Variants in DYNC2H1 observed in about 807,000 individuals in gnomAD.
DYNC2H1 encodes the protein cytoplasmic dynein 2 heavy chain 1.
DYNC2H1 carries 410 observed loss-of-function variants against 570.0 expected under a neutral mutation model. That is an observed-to-expected ratio of 0.72 (90% CI 0.66 to 0.78). DYNC2H1 has a LOEUF of 0.78. Ranked by LOEUF, DYNC2H1 falls within the 30% of genes least tolerant of loss-of-function variation. The pLI is 0.00. For synonymous variants in DYNC2H1, 1,688 were observed against 1,677.6 expected, an observed-to-expected ratio of 1.01 and a Z score of -0.15; for missense variants, 4,865 against 5,046.4, an observed-to-expected ratio of 0.96 and a Z score of 1.09.
At position 103,395,110 on chromosome 11, in the gene DYNC2H1, C is replaced by T. The variant is rs900945918; in HGVS notation, c.12157-4553C>T. ...TTAATCCAGATATGTAATATTTTGA[C>T]CTTTCTGATCGTAGATGCTTGGGAA... On this transcript the variant is annotated intron_variant, in intron 83 of 88. Transcript: ENST00000375735. This position sits in a 1 kb window ranked among gnomAD's most constrained non-coding sequence, Gnocchi z 4.3. Among the ~76,000 whole-genome samples, 3 of 152,014 alleles carry T rather than the reference C, an allele frequency of 2.0e-5. No homozygotes were observed. The highest frequency in any genetic ancestry group is 4.8e-5 in the African/African-American group (2 of 41,406).
At chr11:103,221,422 C>G (rs761124104) in intron 57 of DYNC2H1, among the ~76,000 whole-genome samples, 6 of 152,144 alleles carry the variant, frequency 3.9e-5, no homozygotes, top group Non-Finnish European at 5.9e-5. Context: ...AGACAATTTT[C>G]TTGCATATCC....
At chr11:103,335,559 A>G (rs1307929513) in intron 82 of DYNC2H1, among the ~76,000 whole-genome samples, 2 of 152,108 alleles carry the variant, frequency 1.3e-5, no homozygotes, top group Non-Finnish European at 2.9e-5. Context: ...TGTACAAGGA[A>G]TCTCTTTAAG....
At chr11:103,140,891 GC>G (rs1235030663) in intron 17 of DYNC2H1, among the ~76,000 whole-genome samples, 2 of 152,112 alleles carry the variant, frequency 1.3e-5, no homozygotes, top group African/African-American at 4.8e-5. Flanking sequence ...TTTCTTGGGG[GC>G]TTTGCTCATT....
chr11:103,187,341 A>T lies in DYNC2H1; in HGVS notation c.6895A>T (p.Met2299Leu). ...LVGPEGCGKGMLLRYAFSQLR... is the reference protein window; with the variant it reads ...LVGPEGCGKGLLLRYAFSQLR... Reference sequence around the variant, plus strand: ...TCAGATGTCATGCATTTTTCGTAGGATGCTGCTCAGGTACGCATTTTCACA... The same window carrying T: ...TCAGATGTCATGCATTTTTCGTAGGTTGCTGCTCAGGTACGCATTTTCACA... The change falls in exon 43 of 89, where the codon ATG becomes TTG. Residue 2299 changes from methionine to leucine, a missense_variant and splice_region_variant. Physicochemically the swap from Met to Leu is conservative, Grantham distance 15. Coordinates refer to ENST00000375735, the MANE Select transcript of DYNC2H1 (RefSeq NM_001377.3). 6.2e-7 allele frequency: 1 copy of T among 1,612,610 alleles called. No individual in the cohort carries two copies. The highest frequency in any genetic ancestry group is 1.1e-5 in the South Asian group (1 of 90,948).
intron 20 of DYNC2H1, among the ~76,000 whole-genome samples, chr11:103,149,012 G>A (rs1374245341): frequency 6.6e-6 from 1 of 152,112 alleles, no homozygotes; most frequent in Non-Finnish European, 1.5e-5. Flanking sequence ...AGCCAAGATC[G>A]TGCCACTGCA....
At chr11:103,149,092 A>G (rs967013304) in intron 20 of DYNC2H1, among the ~76,000 whole-genome samples, 1 of 151,980 alleles carries the variant, frequency 6.6e-6, no homozygotes, top group African/African-American at 2.4e-5. Context: ...AAATAAATAG[A>G]CTTTCGATGC....
chr11:103,250,250 T>G (rs1412397724), intron 65 of DYNC2H1, among the ~76,000 whole-genome samples: 1 of 152,072 alleles, frequency 6.6e-6, no homozygotes, highest in African/African-American at 2.4e-5. Flanking sequence ...GATGTTTCAT[T>G]TTTCCTGATA....
intron 65 of DYNC2H1, among the ~76,000 whole-genome samples, chr11:103,250,493 G>A (rs530398175): frequency 3.3e-5 from 5 of 152,088 alleles, no homozygotes; most frequent in South Asian, 4.2e-4. Context: ...TTTAGCCTGC[G>A]ATCCCCCCTC....
At chr11:103,288,710 A>AAG (rs1866458684) in intron 75 of DYNC2H1, among the ~76,000 whole-genome samples, 1 of 144,460 alleles carries the variant, frequency 6.9e-6, no homozygotes, top group Non-Finnish European at 1.5e-5. Context: ...AAAAAAAAAA[A>AAG]GAAAAGAAAG....
rs182986154 is a variant in DYNC2H1 at position 103,126,055 on chromosome 11, G to A, written c.1857+760G>A. ...CTCATATTGTGTCTTGATTTTTTTC[G>A]TTTTTTCTTTGACTTGATTATTATA... On this transcript the variant is annotated intron_variant, in intron 12 of 88. Coordinates refer to ENST00000375735, the MANE Select transcript of DYNC2H1 (RefSeq NM_001377.3). Among the ~76,000 whole-genome samples the A allele has an allele frequency of 4.5e-4, 69 of 151,882 alleles. 1 individual carries two copies. Among genetic ancestry groups the A allele is most frequent in the Middle Eastern group, 6.8e-3 (2 of 294 alleles).
chr11:103,383,762 C>T (rs1941764161), intron 83 of DYNC2H1, among the ~76,000 whole-genome samples: 1 of 152,168 alleles, frequency 6.6e-6, no homozygotes, highest in South Asian at 2.1e-4. Flanking sequence ...ACGTGAACCA[C>T]CATGCCCGGC....
chr11:103,346,565 T>C lies in DYNC2H1; in HGVS notation c.12040-11678T>C, dbSNP rs537379861. ...ATCACCAGTCTGTTTCATTTTGTAA[T>C]GTACATAATGATGTTATATTTTTCC... is the stretch of plus-strand genomic sequence containing the variant. On this transcript the variant is annotated intron_variant, in intron 82 of 88. Coordinates refer to ENST00000375735, the MANE Select transcript of DYNC2H1 (RefSeq NM_001377.3). 7.7e-4 allele frequency among the ~76,000 whole-genome samples: 118 copies of C among 152,338 alleles called. 1 individual carries two copies. Among genetic ancestry groups the C allele is most frequent in the African/African-American group, 2.7e-3 (112 of 41,586 alleles).
At position 103,211,785 on chromosome 11, in the gene DYNC2H1, C is replaced by T; in HGVS notation, c.8540-4C>T. On this transcript the variant is annotated splice_region_variant and splice_polypyrimidine_tract_variant and intron_variant, in intron 53 of 88. Transcript: ENST00000375735. ...AGTTATTTTTATTTTCTATTTTTTT[C>T]TAGTTGATCCTGATTTTCTAAAATC... The T allele has an allele frequency of 1.7e-6, 2 of 1,181,390 alleles. No individual in the cohort carries two copies. The highest frequency in any genetic ancestry group is 2.3e-6 in the Non-Finnish European group (2 of 872,946). The allele number at this position is 1,181,390 out of a possible 1,614,324, so 73.2% of individuals were successfully genotyped here. A position where few individuals can be genotyped will look rare whatever the true frequency, so the allele number is the denominator to read the frequency against.
chr11:103,394,172 T>C (rs1310479225), intron 83 of DYNC2H1, among the ~76,000 whole-genome samples: 2 of 152,202 alleles, frequency 1.3e-5, no homozygotes, highest in Non-Finnish European at 2.9e-5. Context: ...TTACTTTCCC[T>C]GGTTGAATTC....
rs570143086 is a variant in DYNC2H1, at chr11:103,197,478, C to T, written c.7709-455C>T. Among the ~76,000 whole-genome samples, 3 of 152,200 alleles carry T rather than the reference C, an allele frequency of 2.0e-5. No homozygotes were observed. In the East Asian group the frequency reaches 5.8e-4, roughly 29 times the overall value. On this transcript the variant is annotated intron_variant, in intron 47 of 88. Transcript: ENST00000375735. ...TTATTTATTTTTTTGAGATAGATCT[C>T]ACTCTCTTGCCCAGGCTGGAGTGCG...
At chr11:103,343,861 T>C (rs887683695) in intron 82 of DYNC2H1, among the ~76,000 whole-genome samples, 2 of 152,238 alleles carry the variant, frequency 1.3e-5, no homozygotes, top group African/African-American at 4.8e-5. Context: ...TATATTGAGT[T>C]TGTGATTTGG....
Position 103,446,017 on chromosome 11 carries a change from A to G in DYNC2H1, c.12457-9169A>G, listed in dbSNP as rs1035408193. Among the ~76,000 whole-genome samples, 1 of 150,152 alleles carries G rather than the reference A, an allele frequency of 6.7e-6. No individual in the cohort carries two copies. Among genetic ancestry groups the G allele is most frequent in the African/African-American group, 2.5e-5 (1 of 40,424 alleles). On this transcript the variant is annotated intron_variant, in intron 85 of 88. Coordinates refer to ENST00000375735, the MANE Select transcript of DYNC2H1 (RefSeq NM_001377.3). This position sits in a 1 kb window ranked among gnomAD's most constrained non-coding sequence, Gnocchi z 4.5. The stretch of plus-strand genomic sequence containing the variant: ...TTTAGTGAGTTGAAGGATACTGACA[A>G]TATGGTAATAGAGCAGAGTTTTGTT...
chr11:103,300,385 AATT>A (rs1866999050), intron 75 of DYNC2H1, among the ~76,000 whole-genome samples: 1 of 152,042 alleles, frequency 6.6e-6, no homozygotes, highest in Non-Finnish European at 1.5e-5. Context: ...TTCACAGTGC[AATT>A]ATTATTTTTG....
At chr11:103,320,846 A>G (rs1335553309) in intron 80 of DYNC2H1, among the ~76,000 whole-genome samples, 183 bp from the exon 81 acceptor site, 5 of 152,314 alleles carry the variant, frequency 3.3e-5, no homozygotes, top group African/African-American at 9.6e-5. Context: ...TTATACATGT[A>G]AAATATTTGG....
Sources: allele counts gnomAD v4.1 joint callset (sites outside exome capture counted in the v4.1 genomes callset), GRCh38; gene constraint gnomAD v4.1.1; non-coding constraint Gnocchi (gnomAD v3.1); transcripts MANE v1.5; gene names NCBI Gene and HGNC (gene_info 2026-07-23, HGNC 2026-07-21).